CNTLN: variants seen among roughly 807,000 people sequenced by gnomAD.
CNTLN encodes centlein, centrosomal protein.
Under a neutral mutation model 180.0 loss-of-function variants are expected in CNTLN, and 212 were observed. The ratio of observed to expected loss-of-function variants is 1.18; its 90% CI spans 1.05 to 1.32. The LOEUF is 1.32. CNTLN is among the 40% of genes most tolerant of loss of function. The pLI, the probability that CNTLN is intolerant of heterozygous loss-of-function variation, is 0.00. For synonymous variants in CNTLN, 722 were observed against 563.1 expected, an observed-to-expected ratio of 1.28 and a Z score of -3.99; for missense variants, 2,095 against 1,610.9, an observed-to-expected ratio of 1.30 and a Z score of -5.14.
chr9:17,202,664 T>TTTTTTTTTTTTTTTTTC, intron 2 of CNTLN, among the ~76,000 whole-genome samples: 1 of 144,506 alleles, frequency 6.9e-6, no homozygotes, highest in Non-Finnish European at 1.5e-5. Flanking sequence ...TTTTTTTTTT[T>TTTTTTTTTTTTTTTTTC]TTTTTTGTTG....
intron 6 of CNTLN, among the ~76,000 whole-genome samples, chr9:17,280,869 G>A (rs1828616920): frequency 6.6e-6 from 1 of 152,190 alleles, no homozygotes; most frequent in South Asian, 2.1e-4. Flanking sequence ...ATCCTCACGT[G>A]ATGGAGTCAT....
intron 23 of CNTLN, among the ~76,000 whole-genome samples, chr9:17,472,428 T>A (rs913172652): frequency 6.6e-6 from 1 of 152,104 alleles, no homozygotes; most frequent in Admixed American, 6.5e-5. Flanking sequence ...CCAACACAAT[T>A]CTGTTATGAC....
chr9:17,371,604 T>C (rs1369211567), intron 13 of CNTLN, among the ~76,000 whole-genome samples: 1 of 152,168 alleles, frequency 6.6e-6, no homozygotes, highest in African/African-American at 2.4e-5. Flanking sequence ...TAATTTGTAC[T>C]GTAGACCAAA....
rs1216393926 is a variant in CNTLN, at chr9:17,457,778, T to A, written c.3306+63T>A. 8.1e-6 allele frequency: 8 copies of A among 992,604 alleles called. No individual in the cohort carries two copies. In the East Asian group the frequency reaches 2.5e-4, roughly 31 times the overall value. The allele number at this position is 992,604 out of a possible 1,614,324, so 61.5% of individuals were successfully genotyped here. A position where few individuals can be genotyped will look rare whatever the true frequency, so the allele number is the denominator to read the frequency against. Reference sequence around the variant, plus strand: ...ATGCTTGAATCCTGCAAGACATATTTATATGAACACTAATTTATTCTAATA... The same window carrying A: ...ATGCTTGAATCCTGCAAGACATATTAATATGAACACTAATTTATTCTAATA... On this transcript the variant is annotated intron_variant, in intron 19 of 25. Coordinates refer to ENST00000380647, the MANE Select transcript of CNTLN (RefSeq NM_017738.4).
intron 5 of CNTLN, among the ~76,000 whole-genome samples, chr9:17,238,302 T>G (rs1022075161): frequency 2.6e-5 from 4 of 152,158 alleles, no homozygotes; most frequent in Non-Finnish European, 5.9e-5. Flanking sequence ...TATGACAAAG[T>G]TTTTCCCACC....
intron 18 of CNTLN, among the ~76,000 whole-genome samples, chr9:17,418,270 C>G (rs1281044079): frequency 6.6e-6 from 1 of 152,012 alleles, no homozygotes; most frequent in African/African-American, 2.4e-5. Context: ...TAGTGATTAA[C>G]TAGAATTAGA....
At chr9:17,352,115 T>C (rs1416209639) in intron 12 of CNTLN, among the ~76,000 whole-genome samples, 1 of 152,044 alleles carries the variant, frequency 6.6e-6, no homozygotes, top group African/African-American at 2.4e-5. Context: ...TTTACCCCCA[T>C]GTATTATAAG....
At chr9:17,392,676 A>G (rs1826203058) in intron 14 of CNTLN, among the ~76,000 whole-genome samples, 1 of 152,192 alleles carries the variant, frequency 6.6e-6, no homozygotes, top group African/African-American at 2.4e-5. Flanking sequence ...ATATCATACC[A>G]TGGAATAGAA....
At position 17,226,300 on chromosome 9, in the gene CNTLN, A is replaced by G. The variant is rs779621442; in HGVS notation, c.534+13A>G. The G allele has an allele frequency of 3.5e-6, 5 of 1,424,272 alleles. No homozygotes were observed. Among genetic ancestry groups the G allele is most frequent in the African/African-American group, 1.5e-5 (1 of 67,448 alleles). 88.2% of individuals were successfully genotyped at this position (1,424,272 alleles called of 1,614,324 possible). On this transcript the variant is annotated intron_variant, in intron 3 of 25. Transcript: ENST00000380647. ...AGAATTTGAACAGGTTGGTGTTATA[A>G]TAAAAATATTTAAATTAACTATATT...
At chr9:17,370,123 C>G (rs1023261263) in intron 13 of CNTLN, among the ~76,000 whole-genome samples, 4 of 151,822 alleles carry the variant, frequency 2.6e-5, no homozygotes, top group Non-Finnish European at 5.9e-5. Flanking sequence ...GTGAAAAAGA[C>G]AGGAGTACAA....
chr9:17,291,515 A>T (rs1347069743), intron 6 of CNTLN, among the ~76,000 whole-genome samples: 2 of 152,164 alleles, frequency 1.3e-5, no homozygotes, highest in Admixed American at 6.5e-5. Context: ...TATATTTAGG[A>T]TAGTTAGCAG....
At chr9:17,210,562 C>T (rs1456311222) in intron 2 of CNTLN, among the ~76,000 whole-genome samples, 1 of 152,198 alleles carries the variant, frequency 6.6e-6, no homozygotes, top group Non-Finnish European at 1.5e-5. Context: ...GATTTATAAT[C>T]TTTTGGGTAT....
chr9:17,268,704 A>G (rs538601090), intron 5 of CNTLN, among the ~76,000 whole-genome samples: 1 of 152,060 alleles, frequency 6.6e-6, no homozygotes. Flanking sequence ...TTCCAGCTTC[A>G]GGGCTGCTTT....
Position 17,138,604 on chromosome 9 carries a change from C to T in CNTLN, c.360+3179C>T, listed in dbSNP as rs149918619. 1.6e-4 allele frequency among the ~76,000 whole-genome samples: 25 copies of T among 152,198 alleles called. No homozygotes were observed. The East Asian group carries it at 3.5e-3, about 21-fold the overall frequency. Reference sequence around the variant, plus strand: ...TTGTTTGTAGCTGTATTCTACTTGGCGAGTCTTTTTGTGAAATTATTTTTC... The same window carrying T: ...TTGTTTGTAGCTGTATTCTACTTGGTGAGTCTTTTTGTGAAATTATTTTTC... On this transcript the variant is annotated intron_variant, in intron 1 of 25. Coordinates refer to ENST00000380647, the MANE Select transcript of CNTLN (RefSeq NM_017738.4).
At chr9:17,380,459 C>T (rs1268750047) in intron 13 of CNTLN, among the ~76,000 whole-genome samples, 1 of 152,136 alleles carries the variant, frequency 6.6e-6, no homozygotes, top group Non-Finnish European at 1.5e-5. Flanking sequence ...GTGTGATTGG[C>T]CAGGGAAACT....
rs968955496 is a variant in CNTLN, at chr9:17,466,138, AT to A, written c.3669+24del. 7 of 1,578,312 alleles carry A rather than the reference AT, an allele frequency of 4.4e-6. No individual in the cohort carries two copies. The African/African-American group carries it at 5.4e-5, about 12-fold the overall frequency. ...AAAAAGGTATGCTTTTAAAAAGGGCATTTTAGATTACAGATGGAATATAATC... is the reference window on the plus strand; with the variant it reads ...AAAAAGGTATGCTTTTAAAAAGGGCATTTAGATTACAGATGGAATATAATC... On this transcript the variant is annotated intron_variant, in intron 22 of 25. Transcript: ENST00000380647.
chr9:17,370,967 TAAA>T (rs1248339498), intron 13 of CNTLN, among the ~76,000 whole-genome samples: 3 of 150,660 alleles, frequency 2.0e-5, no homozygotes, highest in Non-Finnish European at 4.4e-5. Flanking sequence ...ACGCAAAAAA[TAAA>T]AAGAAAGGAA....
chr9:17,438,247 A>G (rs1313290703), intron 18 of CNTLN, among the ~76,000 whole-genome samples: 1 of 152,108 alleles, frequency 6.6e-6, no homozygotes, highest in Non-Finnish European at 1.5e-5. Flanking sequence ...GAGACTAGAG[A>G]TTGAATGCAA....
intron 2 of CNTLN, among the ~76,000 whole-genome samples, chr9:17,205,210 C>T (rs145727623): frequency 1.3e-5 from 2 of 152,200 alleles, no homozygotes; most frequent in East Asian, 1.9e-4. Context: ...GTGTGGGAAA[C>T]GTGAGAGGGG....
Sources: gnomAD v4.1 joint callset for allele counts (sites outside exome capture counted in the v4.1 genomes callset) on GRCh38, gnomAD v4.1.1 for gene constraint, MANE v1.5 for transcripts, NCBI Gene and HGNC (gene_info 2026-07-23, HGNC 2026-07-21) for gene names.